Variants in RBFOX1 observed in about 807,000 individuals in gnomAD.
The protein encoded by RBFOX1 is RNA binding fox-1 homolog 1, also known as RNA binding protein fox-1 homolog 1.
Under a neutral mutation model 57.7 loss-of-function variants are expected in RBFOX1, and 8 were observed. The observed-to-expected ratio is 0.14, with a 90% CI of 0.08 to 0.25. The LOEUF is 0.25. RBFOX1 is among the 10% of genes least tolerant of loss of function. The pLI is 1.00. For missense variants in RBFOX1, 611 were observed against 548.5 expected (o/e 1.11, Z -1.14); for synonymous variants, 326 against 222.4 (o/e 1.47, Z -4.15).
intron 3 of RBFOX1, among the ~76,000 whole-genome samples, chr16:5,611,705 C>CCCATCCATCCATGTATCCAT (rs2047798112): frequency 1.0e-5 from 1 of 100,128 alleles, no homozygotes; most frequent in African/African-American, 5.1e-5. Flanking sequence ...CACCCACTCT[C>CCCATCCATCCATGTATCCAT]CCATCCATCC....
chr16:5,690,238 A>C (rs886274455), intron 3 of RBFOX1, among the ~76,000 whole-genome samples: 2 of 152,204 alleles, frequency 1.3e-5, no homozygotes, highest in Admixed American at 1.3e-4. Context: ...GCTCCACCTG[A>C]ATGCATGTTA....
chr16:6,843,617 A>C (rs528169796), intron 3 of RBFOX1, among the ~76,000 whole-genome samples: 7 of 152,292 alleles, frequency 4.6e-5, no homozygotes, highest in Middle Eastern at 6.8e-3. Context: ...TGAACCCAGG[A>C]GGTGGAGCTT....
At chr16:6,321,868 A>G (rs1193415882) in intron 2 of RBFOX1, among the ~76,000 whole-genome samples, 1 of 152,218 alleles carries the variant, frequency 6.6e-6, no homozygotes, top group Non-Finnish European at 1.5e-5. Flanking sequence ...TGGTAGGTTT[A>G]GAATAATAGA....
chr16:7,361,047 T>C (rs2097310490), intron 4 of RBFOX1, among the ~76,000 whole-genome samples: 1 of 152,196 alleles, frequency 6.6e-6, no homozygotes, highest in African/African-American at 2.4e-5. Flanking sequence ...CTTTGTGGCG[T>C]GGTAGATGTT....
intron 3 of RBFOX1, among the ~76,000 whole-genome samples, chr16:6,958,732 A>G (rs1184327287): frequency 6.6e-6 from 1 of 152,220 alleles, no homozygotes; most frequent in African/African-American, 2.4e-5. Context: ...ATGCCGCTTC[A>G]GAAATCTTTT....
At chr16:6,929,246 G>T (rs1221885125) in intron 3 of RBFOX1, among the ~76,000 whole-genome samples, 1 of 152,156 alleles carries the variant, frequency 6.6e-6, no homozygotes, top group Non-Finnish European at 1.5e-5. Flanking sequence ...TGACAGAGAA[G>T]AAGAAGATAT....
chr16:6,434,541 C>T (rs1430742860), intron 2 of RBFOX1, among the ~76,000 whole-genome samples: 2 of 152,170 alleles, frequency 1.3e-5, no homozygotes, highest in Non-Finnish European at 2.9e-5. Context: ...ATGCACGTCG[C>T]ATAGTGCCTG....
intron 3 of RBFOX1, among the ~76,000 whole-genome samples, chr16:6,980,350 A>C (rs1043364452): frequency 6.6e-6 from 1 of 152,208 alleles, no homozygotes; most frequent in Admixed American, 6.5e-5. Flanking sequence ...ATGAGGACTA[A>C]CATGTAACCA....
intron 1 of RBFOX1, among the ~76,000 whole-genome samples, chr16:6,239,111 G>A (rs1307062088): frequency 6.6e-6 from 1 of 151,852 alleles, no homozygotes; most frequent in East Asian, 1.9e-4. Context: ...TTACCCTAAA[G>A]CCCACCCCAT....
intron 3 of RBFOX1, among the ~76,000 whole-genome samples, chr16:5,821,363 A>C (rs1018667584): frequency 7.0e-6 from 1 of 141,994 alleles, no homozygotes; most frequent in African/African-American, 2.7e-5. Context: ...TGTTGCAATC[A>C]TGGCTTACGG....
chr16:7,190,981 G>T (rs951117433), intron 4 of RBFOX1, among the ~76,000 whole-genome samples: 1 of 151,818 alleles, frequency 6.6e-6, no homozygotes, highest in Non-Finnish European at 1.5e-5. Flanking sequence ...TGAAAAAGGG[G>T]CCCAGGAATG....
chr16:7,129,374 G>A (rs1359964209), intron 4 of RBFOX1, among the ~76,000 whole-genome samples: 1 of 152,096 alleles, frequency 6.6e-6, no homozygotes, highest in Admixed American at 6.6e-5. Flanking sequence ...TAAACCATGG[G>A]TACTGGAAGT....
chr16:7,344,330 A>C (rs2096953993), intron 4 of RBFOX1, among the ~76,000 whole-genome samples: 1 of 150,466 alleles, frequency 6.6e-6, no homozygotes, highest in South Asian at 2.1e-4. Context: ...TGATAGAAAT[A>C]ATAATTGTTA....
chr16:6,838,936 A>ATT (rs529600366), intron 3 of RBFOX1, among the ~76,000 whole-genome samples: 9 of 148,146 alleles, frequency 6.1e-5, no homozygotes, highest in African/African-American at 2.2e-4. Flanking sequence ...CTGGTTTTTG[A>ATT]TTTTTTTTTT....
At chr16:7,624,042 A>C (rs1022512972) in intron 10 of RBFOX1, among the ~76,000 whole-genome samples, 2 of 152,162 alleles carry the variant, frequency 1.3e-5, no homozygotes, top group Non-Finnish European at 2.9e-5. Flanking sequence ...TAGGAACCCA[A>C]ATAGCTTGTT....
At chr16:7,189,696 G>A (rs1041505066) in intron 4 of RBFOX1, among the ~76,000 whole-genome samples, 3 of 152,232 alleles carry the variant, frequency 2.0e-5, no homozygotes, top group African/African-American at 7.2e-5. Flanking sequence ...GGTACCATAG[G>A]TTATAAATTA....
chr16:6,806,143 G>C (rs1357235070), intron 3 of RBFOX1, among the ~76,000 whole-genome samples: 1 of 152,160 alleles, frequency 6.6e-6, no homozygotes, highest in Non-Finnish European at 1.5e-5. Flanking sequence ...AGTGGAATTA[G>C]TTAGAATAGA....
At chr16:6,199,846 A>T (rs189863089) in intron 1 of RBFOX1, among the ~76,000 whole-genome samples, 1 of 152,268 alleles carries the variant, frequency 6.6e-6, no homozygotes, top group East Asian at 1.9e-4. Flanking sequence ...CAACACTCTC[A>T]GCCACAGCTA....
intron 2 of RBFOX1, among the ~76,000 whole-genome samples, chr16:6,578,615 G>C (rs1203722503): frequency 6.6e-6 from 1 of 151,662 alleles, no homozygotes; most frequent in African/African-American, 2.4e-5. Flanking sequence ...GTGTGTGTGA[G>C]CATGGGAGAA....
Sources: gnomAD v4.1 joint callset for allele counts (sites outside exome capture counted in the v4.1 genomes callset) on GRCh38, gnomAD v4.1.1 for gene constraint, MANE v1.5 for transcripts, NCBI Gene and HGNC (gene_info 2026-07-23, HGNC 2026-07-21) for gene names.